Variants in KIF26B observed in about 807,000 individuals in gnomAD.
KIF26B encodes kinesin family member 26B.
In KIF26B, 63 loss-of-function variants were observed where a neutral mutation model predicts 151.2. The ratio of observed to expected loss-of-function variants is 0.42; its 90% CI spans 0.34 to 0.51. KIF26B has a LOEUF of 0.51. Ranked by LOEUF, KIF26B falls within the 20% of genes least tolerant of loss-of-function variation. KIF26B has a pLI of 0.07. For missense variants in KIF26B, 2,813 were observed against 2,913.6 expected (o/e 0.97, Z 0.79); for synonymous variants, 1,357 against 1,262.1 (o/e 1.08, Z -1.59).
At chr1:245,586,157 CAGTGTGTGTGTG>C (rs915767807) in intron 5 of KIF26B, among the ~76,000 whole-genome samples, 1 of 112,166 alleles carries the variant, frequency 8.9e-6, no homozygotes, top group African/African-American at 3.9e-5. Context: ...CCACCATGAC[CAGTGTGTGTGTG>C]TGTGTGTGTG....
At position 245,464,490 on chromosome 1, in the gene KIF26B, GGT is replaced by G. The variant is rs537474246; in HGVS notation, c.1166+44753_1166+44754del. On this transcript the variant is annotated intron_variant, in intron 4 of 14. Transcript: ENST00000407071. ...GCGCGTGTGGGGGTGTGTGCCCGTGGGTGTGTGTGGGCGTGTGCATGTGTGGA... is the reference window on the plus strand; with the variant it reads ...GCGCGTGTGGGGGTGTGTGCCCGTGGGTGTGTGGGCGTGTGCATGTGTGGA... 1.1e-3 allele frequency among the ~76,000 whole-genome samples: 165 copies of G among 146,688 alleles called. 1 individual carries two copies. The highest frequency in any genetic ancestry group is 4.0e-3 in the African/African-American group (157 of 39,708).
intron 2 of KIF26B, among the ~76,000 whole-genome samples, chr1:245,209,923 G>A (rs1342594970): frequency 2.6e-5 from 4 of 152,262 alleles, no homozygotes; most frequent in African/African-American, 9.6e-5. Context: ...AACTACACCC[G>A]TAAGAAGATA....
chr1:245,176,039 C>T (rs1437119512), intron 2 of KIF26B, among the ~76,000 whole-genome samples: 1 of 151,510 alleles, frequency 6.6e-6, no homozygotes, highest in Non-Finnish European at 1.5e-5. Context: ...CAGAGTCTCA[C>T]TCTTGTTGCC....
intron 4 of KIF26B, among the ~76,000 whole-genome samples, chr1:245,525,493 CTG>C (rs1661219277): frequency 6.6e-6 from 1 of 152,146 alleles, no homozygotes; most frequent in Admixed American, 6.5e-5. Context: ...GATAAGATGT[CTG>C]TGAAATTTTA....
At position 245,688,322 on chromosome 1, in the gene KIF26B, C is replaced by T. The variant is rs1367603873; in HGVS notation, c.5339C>T (p.Thr1780Met). 2.5e-6 allele frequency: 4 copies of T among 1,593,734 alleles called. No individual in the cohort carries two copies. The highest frequency in any genetic ancestry group is 2.2e-5 in the East Asian group (1 of 44,558). Residue 1780 changes from threonine (T) to methionine (M), a missense_variant, in exon 12 of 15, where the codon ACG becomes ATG. Transcript: ENST00000407071. ...GSSSPPGGKH[T>M]PWSTQSLSRN... is the part of the protein sequence containing the mutation. ...AGCTCGCCCCCCGGTGGGAAGCACACGCCCTGGTCCACGCAGTCCCTCAGC... is the reference window on the plus strand; with the variant it reads ...AGCTCGCCCCCCGGTGGGAAGCACATGCCCTGGTCCACGCAGTCCCTCAGC...
chr1:245,481,687 A>C (rs762082506), intron 4 of KIF26B, among the ~76,000 whole-genome samples: 13 of 151,866 alleles, frequency 8.6e-5, no homozygotes, highest in Non-Finnish European at 1.9e-4. Flanking sequence ...TTTTTCAACA[A>C]GTGAGGACAG....
At chr1:245,189,481 T>C (rs958395917) in intron 2 of KIF26B, among the ~76,000 whole-genome samples, 37 of 152,326 alleles carry the variant, frequency 2.4e-4, no homozygotes, top group African/African-American at 8.7e-4. Context: ...GAAGCAATGT[T>C]TACAGACGAT....
At chr1:245,287,581 G>A (rs10924155) in intron 2 of KIF26B, among the ~76,000 whole-genome samples, 57,952 of 146,438 alleles carry the variant, frequency 0.4, 11,633 homozygotes, top group East Asian at 0.59. Context: ...TCGGCTCACC[G>A]CAACCGCCAC....
intron 2 of KIF26B, among the ~76,000 whole-genome samples, chr1:245,266,802 G>A (rs558331450): frequency 1.3e-5 from 2 of 152,256 alleles, no homozygotes; most frequent in Non-Finnish European, 2.9e-5. Flanking sequence ...ACTGTGCCTG[G>A]CCTGTTTTAC....
rs1041224668 is a variant in KIF26B, at chr1:245,688,435, G to A, written c.5452G>A (p.Ala1818Thr). Residue 1818 changes from alanine to threonine, a missense_variant, in exon 12 of 15, where the codon GCC becomes ACC. This residue lies in a region of KIF26B where 2,060 missense variants were observed against 2,088.6 expected (regional missense o/e 0.99). Transcript: ENST00000407071. Reference protein sequence around the residue: ...ISELLQGGAGARGLQLRAGPE... With the variant: ...ISELLQGGAGTRGLQLRAGPE... Reference sequence around the variant, plus strand: ...GGAGCTGCTGCAGGGTGGCGCGGGCGCCCGGGGCTTGCAGCTGCGGGCCGG... The same window carrying A: ...GGAGCTGCTGCAGGGTGGCGCGGGCACCCGGGGCTTGCAGCTGCGGGCCGG... The A allele has an allele frequency of 3.8e-5, 53 of 1,391,774 alleles. No homozygotes were observed. The highest frequency in any genetic ancestry group is 4.4e-5 in the Non-Finnish European group (48 of 1,080,416). The allele number at this position is 1,391,774 out of a possible 1,614,324, so 86.2% of individuals were successfully genotyped here.
chr1:245,274,268 A>G (rs1670901917), intron 2 of KIF26B, among the ~76,000 whole-genome samples: 1 of 152,006 alleles, frequency 6.6e-6, no homozygotes. Context: ...ATACATGTGC[A>G]GAACCTGCAG....
At chr1:245,626,226 G>A (rs1227977326) in intron 9 of KIF26B, among the ~76,000 whole-genome samples, 3 of 152,088 alleles carry the variant, frequency 2.0e-5, no homozygotes, top group African/African-American at 7.2e-5. Flanking sequence ...ACTGATTTCT[G>A]TTCCTTTGGA....
At chr1:245,240,425 T>C (rs931641849) in intron 2 of KIF26B, among the ~76,000 whole-genome samples, 23 of 152,206 alleles carry the variant, frequency 1.5e-4, no homozygotes, top group African/African-American at 5.3e-4. Context: ...GAATTTGTTT[T>C]CCATTTCATA....
intron 4 of KIF26B, among the ~76,000 whole-genome samples, chr1:245,456,703 T>C (rs1207933092): frequency 1.3e-5 from 2 of 152,238 alleles, no homozygotes; most frequent in East Asian, 3.8e-4. Context: ...AAATATAAAT[T>C]GAGTTACCAA....
At chr1:245,464,365 G>C (rs12059515) in intron 4 of KIF26B, among the ~76,000 whole-genome samples, 1 of 151,562 alleles carries the variant, frequency 6.6e-6, no homozygotes, top group East Asian at 2.0e-4. Context: ...GGGTGTGTGC[G>C]TGTGTGGGTG....
At chr1:245,665,053 T>C (rs947780334) in intron 10 of KIF26B, among the ~76,000 whole-genome samples, 1 of 152,222 alleles carries the variant, frequency 6.6e-6, no homozygotes, top group Non-Finnish European at 1.5e-5. Context: ...CTCAATTCAG[T>C]GAGAATATTG....
intron 2 of KIF26B, among the ~76,000 whole-genome samples, chr1:245,347,076 T>G (rs1672470680): frequency 6.6e-6 from 1 of 152,340 alleles, no homozygotes; most frequent in South Asian, 2.1e-4. Context: ...CAGCTGAGCC[T>G]GGGTGGAACA....
chr1:245,261,078 C>G (rs1346993196), intron 2 of KIF26B, among the ~76,000 whole-genome samples: 1 of 150,866 alleles, frequency 6.6e-6, no homozygotes, highest in Non-Finnish European at 1.5e-5. Flanking sequence ...TTCCTTCCCT[C>G]CCTCTCTCCC....
intron 2 of KIF26B, among the ~76,000 whole-genome samples, chr1:245,184,739 C>A (rs1668971248): frequency 6.6e-6 from 1 of 152,218 alleles, no homozygotes; most frequent in South Asian, 2.1e-4. Flanking sequence ...CTCAGGGATT[C>A]TTTTACTATA....
Sources: allele counts gnomAD v4.1 joint callset (sites outside exome capture counted in the v4.1 genomes callset), GRCh38; gene constraint gnomAD v4.1.1; regional missense constraint gnomAD v4.1.1; transcripts MANE v1.5; gene names NCBI Gene and HGNC (gene_info 2026-07-23, HGNC 2026-07-21).